Variants in CNTLN observed in about 807,000 individuals in gnomAD.
CNTLN encodes centlein, centrosomal protein.
In CNTLN, 212 loss-of-function variants were observed where a neutral mutation model predicts 180.0. The ratio of observed to expected loss-of-function variants is 1.18; its 90% CI spans 1.05 to 1.32. The LOEUF (loss-of-function observed/expected upper bound fraction) is 1.32, where lower values mean the gene tolerates loss of function less well. CNTLN is among the 40% of genes most tolerant of loss of function. The pLI is 0.00. For missense variants in CNTLN, 2,095 were observed against 1,610.9 expected (o/e 1.30, Z -5.14); for synonymous variants, 722 against 563.1 (o/e 1.28, Z -3.99).
rs768407618 is a variant in CNTLN at position 17,135,074 on chromosome 9, G to A, written c.9G>A (p.Ala3=). The A allele has an allele frequency of 6.3e-7, 1 of 1,597,606 alleles. No homozygotes were observed. Among genetic ancestry groups the A allele is most frequent in the East Asian group, 2.2e-5 (1 of 44,580 alleles). Reference sequence around the variant, plus strand: ...CGTTAGCAGCCGCAGCCATGGCGGCGCGTTCGCCTCCCTCACCGCACCCTT... The same window carrying A: ...CGTTAGCAGCCGCAGCCATGGCGGCACGTTCGCCTCCCTCACCGCACCCTT... MA[A]RSPPSPHPSP... Residue 3 remains alanine, a synonymous_variant, in exon 1 of 26, where the codon GCG becomes GCA. Transcript: ENST00000380647.
At chr9:17,266,920 G>T (rs1041743562) in intron 5 of CNTLN, among the ~76,000 whole-genome samples, 1 of 151,928 alleles carries the variant, frequency 6.6e-6, no homozygotes. Flanking sequence ...TTTATTTTGA[G>T]CCTATGTGTG....
At chr9:17,258,389 T>A (rs554474532) in intron 5 of CNTLN, among the ~76,000 whole-genome samples, 9 of 151,172 alleles carry the variant, frequency 6.0e-5, no homozygotes, top group Non-Finnish European at 1.2e-4. Context: ...AGCCTTGTAG[T>A]ATAGTTTGAA....
At chr9:17,341,065 C>A in intron 11 of CNTLN, 117 bp downstream of exon 11, 2 of 897,466 alleles carry the variant, frequency 2.2e-6, no homozygotes, top group South Asian at 3.4e-5. Flanking sequence ...GTAGTCAAAT[C>A]TTTATTGTGA....
Position 17,332,605 on chromosome 9 carries a change from G to C in CNTLN, c.1519G>C (p.Glu507Gln). The C allele has an allele frequency of 6.2e-7, 1 of 1,601,242 alleles. No individual in the cohort carries two copies. The highest frequency in any genetic ancestry group is 8.5e-7 in the Non-Finnish European group (1 of 1,174,800). The change falls in exon 10 of 26, where the codon GAA (glutamate) becomes CAA (glutamine). Residue 507 changes from glutamate to glutamine, a missense_variant and splice_region_variant. By Grantham distance (29) the Glu-to-Gln change is conservative. Transcript: ENST00000380647. Reference sequence around the variant, plus strand: ...ACCATGTCCTTGTTTTATTCTCGAGGAACCACCTGTGAAACGTTCAAGGTC... The same window carrying C: ...ACCATGTCCTTGTTTTATTCTCGAGCAACCACCTGTGAAACGTTCAAGGTC... ...IMTSAEGKHK[E>Q]PPVKRSRSLS...
chr9:17,270,947 CTTTTTTTTTTT>C (rs78896738), intron 5 of CNTLN, among the ~76,000 whole-genome samples: 10 of 122,156 alleles, frequency 8.2e-5, no homozygotes, highest in Non-Finnish European at 9.9e-5. Flanking sequence ...GAGAGGAGTT[CTTTTTTTTTTT>C]TTTTTTTTTT....
chr9:17,352,620 A>C (rs912908839), intron 12 of CNTLN, among the ~76,000 whole-genome samples: 5 of 152,136 alleles, frequency 3.3e-5, no homozygotes, highest in Admixed American at 1.3e-4. Flanking sequence ...GTGCATTCAC[A>C]GTGTTGTTTA....
chr9:17,453,541 A>G (rs1400713410), intron 18 of CNTLN, among the ~76,000 whole-genome samples: 1 of 152,214 alleles, frequency 6.6e-6, no homozygotes, highest in African/African-American at 2.4e-5. Context: ...TTTCTGTGCT[A>G]CAAAACAAAT....
intron 18 of CNTLN, among the ~76,000 whole-genome samples, chr9:17,453,013 A>G (rs1487656924): frequency 6.6e-6 from 1 of 152,192 alleles, no homozygotes; most frequent in African/African-American, 2.4e-5. Flanking sequence ...AACAAAAAAA[A>G]TTAAAAAGAA....
At chr9:17,424,267 A>G (rs1156481627) in intron 18 of CNTLN, among the ~76,000 whole-genome samples, 7 of 152,208 alleles carry the variant, frequency 4.6e-5, no homozygotes, top group African/African-American at 1.7e-4. Flanking sequence ...GGTAAGGCAG[A>G]CTATATTGAC....
chr9:17,437,465 G>T (rs573465102), intron 18 of CNTLN, among the ~76,000 whole-genome samples: 3 of 152,034 alleles, frequency 2.0e-5, no homozygotes. Context: ...TTATATTTCT[G>T]GTAGTGTCCT....
rs199999728 is a variant in CNTLN, at chr9:17,370,972, AGAAAG to A, written c.1987+4259_1987+4263del. On this transcript the variant is annotated intron_variant, in intron 13 of 25. Transcript: ENST00000380647. ...TACAGTGGCTACGCAAAAAATAAAAAGAAAGGAATAAAATTTTCGTTTTATTTTAG... is the reference window on the plus strand; with the variant it reads ...TACAGTGGCTACGCAAAAAATAAAAAGAATAAAATTTTCGTTTTATTTTAG... 5.1e-3 allele frequency among the ~76,000 whole-genome samples: 771 copies of A among 152,264 alleles called. 7 individuals carry two copies. The highest frequency in any genetic ancestry group is 0.018 in the African/African-American group (739 of 41,570).
intron 13 of CNTLN, among the ~76,000 whole-genome samples, chr9:17,383,227 T>G (rs1825400018): frequency 6.6e-6 from 1 of 152,180 alleles, no homozygotes; most frequent in Non-Finnish European, 1.5e-5. Flanking sequence ...CTTAAAGTCA[T>G]GCTTCTTTGT....
At chr9:17,149,519 T>C (rs909588959) in intron 2 of CNTLN, among the ~76,000 whole-genome samples, 2 of 143,290 alleles carry the variant, frequency 1.4e-5, no homozygotes, top group South Asian at 2.3e-4. Context: ...TTTCTTTTTT[T>C]TTTTTTTTTT....
At chr9:17,251,472 G>A (rs1261654470) in intron 5 of CNTLN, among the ~76,000 whole-genome samples, 1 of 151,264 alleles carries the variant, frequency 6.6e-6, no homozygotes, top group Admixed American at 6.6e-5. Flanking sequence ...GATTTTAATT[G>A]TTCTATCTTG....
At chr9:17,492,281 CT>C (rs1833207293) in intron 25 of CNTLN, among the ~76,000 whole-genome samples, 1 of 151,702 alleles carries the variant, frequency 6.6e-6, no homozygotes, top group Non-Finnish European at 1.5e-5. Context: ...TTCTTTCTTT[CT>C]TTCTTATTTT....
intron 5 of CNTLN, among the ~76,000 whole-genome samples, chr9:17,257,315 T>C (rs984414624): frequency 6.6e-5 from 10 of 152,318 alleles, no homozygotes; most frequent in African/African-American, 2.2e-4. Flanking sequence ...CTCATCATTT[T>C]TTAAGGCTGC....
intron 2 of CNTLN, among the ~76,000 whole-genome samples, chr9:17,158,799 C>G (rs958502736): frequency 1.3e-5 from 2 of 151,812 alleles, no homozygotes; most frequent in African/African-American, 4.8e-5. Flanking sequence ...TTTTGTTGAT[C>G]TTTTTGAAGA....
intron 15 of CNTLN, among the ~76,000 whole-genome samples, chr9:17,400,590 A>G (rs1826895582): frequency 6.6e-6 from 1 of 152,330 alleles, no homozygotes; most frequent in South Asian, 2.1e-4. Flanking sequence ...TATCCATAAA[A>G]TAGGCATAAT....
At chr9:17,306,997 C>A (rs1387092688) in intron 7 of CNTLN, among the ~76,000 whole-genome samples, 2 of 152,242 alleles carry the variant, frequency 1.3e-5, no homozygotes, top group East Asian at 1.9e-4. Flanking sequence ...AGCAGCAGCA[C>A]AGTACAAGTA....
Sources: allele counts gnomAD v4.1 joint callset (sites outside exome capture counted in the v4.1 genomes callset), GRCh38; gene constraint gnomAD v4.1.1; transcripts MANE v1.5; gene names NCBI Gene and HGNC (gene_info 2026-07-23, HGNC 2026-07-21).